Variants in WWOX observed in about 807,000 individuals in gnomAD.
WWOX encodes the protein WW domain-containing oxidoreductase.
In WWOX, 69 loss-of-function variants were observed where a neutral mutation model predicts 46.2. That is an observed-to-expected ratio of 1.49 (90% CI 1.23 to 1.82). The LOEUF (loss-of-function observed/expected upper bound fraction) is 1.82, where lower values mean the gene tolerates loss of function less well. WWOX is among the 40% of genes most tolerant of loss of function. The pLI, the probability that WWOX is intolerant of heterozygous loss-of-function variation, is 0.00. For synonymous variants in WWOX, 359 were observed against 202.6 expected, an observed-to-expected ratio of 1.77 and a Z score of -6.56; for missense variants, 919 against 542.6, an observed-to-expected ratio of 1.69 and a Z score of -6.89.
In WWOX at chr16:78,422,776, T is replaced by TATATATACACAC. The variant is rs1567563533; in HGVS notation, c.606-2087_606-2086insCACACATATATA. On this transcript the variant is annotated intron_variant, in intron 6 of 8. Transcript: ENST00000566780. ...ATATATACACATATATATACACACATATATATATACACACACACATATATA... is the reference window on the plus strand; with the variant it reads ...ATATATACACATATATATACACACATATATATACACACATATATATACACACACACATATATA... Among the ~76,000 whole-genome samples, 87 of 111,498 alleles carry TATATATACACAC rather than the reference T, an allele frequency of 7.8e-4. 4 individuals carry two copies. The South Asian group carries it at 0.019, about 25-fold the overall frequency. The allele number at this position is 111,498 out of a possible 152,430, so 73.1% of individuals were successfully genotyped here. A position where few individuals can be genotyped will look rare whatever the true frequency, so the allele number is the denominator to read the frequency against.
intron 8 of WWOX, among the ~76,000 whole-genome samples, chr16:78,515,627 A>C (rs2043219043): frequency 6.6e-6 from 1 of 152,172 alleles, no homozygotes; most frequent in African/African-American, 2.4e-5. Context: ...TGCCTAGGTG[A>C]GATGGAAAGC....
At chr16:79,101,888 C>G (rs2049204004) in intron 8 of WWOX, 1 of 151,226 alleles carries the variant, frequency 6.6e-6, no homozygotes, top group Non-Finnish European at 1.5e-5. Context: ...GAGTGGAAGG[C>G]TTTCATGCAT....
chr16:79,036,831 T>C (rs1003450893), intron 8 of WWOX, among the ~76,000 whole-genome samples: 3 of 152,156 alleles, frequency 2.0e-5, no homozygotes, highest in Non-Finnish European at 4.4e-5. Flanking sequence ...GTAGAGATGT[T>C]AGCATCAGGT....
chr16:78,211,583 C>G (rs1287317797), intron 5 of WWOX, among the ~76,000 whole-genome samples: 1 of 152,110 alleles, frequency 6.6e-6, no homozygotes, highest in East Asian at 1.9e-4. Context: ...GCTGCATTGT[C>G]AAGACTACAT....
At chr16:79,104,260 C>T (rs2049263613) in intron 8 of WWOX, among the ~76,000 whole-genome samples, 1 of 152,102 alleles carries the variant, frequency 6.6e-6, no homozygotes, top group African/African-American at 2.4e-5. Flanking sequence ...TTATTTTGGT[C>T]TGTAAGGACA....
intron 8 of WWOX, among the ~76,000 whole-genome samples, chr16:78,742,527 A>G (rs1289045822): frequency 3.3e-5 from 5 of 152,206 alleles, no homozygotes; most frequent in Admixed American, 3.3e-4. Flanking sequence ...GTGCCCTAGA[A>G]ATGTTCTTTC....
chr16:78,599,703 C>G (rs1490206287), intron 8 of WWOX, among the ~76,000 whole-genome samples: 1 of 152,094 alleles, frequency 6.6e-6, no homozygotes, highest in Non-Finnish European at 1.5e-5. Context: ...TCCACAGATG[C>G]CTTGTGTTTA....
chr16:78,143,750 A>ATGT (rs1555542880), intron 4 of WWOX, among the ~76,000 whole-genome samples: 1 of 92,242 alleles, frequency 1.1e-5, no homozygotes, highest in African/African-American at 3.8e-5. Context: ...AAGAATTGGT[A>ATGT]TGTTTTTTTT....
chr16:78,808,801 A>G (rs1487103053), intron 8 of WWOX, among the ~76,000 whole-genome samples: 2 of 152,126 alleles, frequency 1.3e-5, no homozygotes, highest in Admixed American at 1.3e-4. Flanking sequence ...GATCTTGACC[A>G]CTAGCCTAAA....
chr16:78,576,742 T>C lies in WWOX; in HGVS notation c.1056+143990T>C, dbSNP rs192688075. ...AGCTACTCAAGAGGCTAAAGGGGGA[T>C]ATTTCTTAAGCCCAGAAGATTCAGA... On this transcript the variant is annotated intron_variant, in intron 8 of 8. Transcript: ENST00000566780. Among the ~76,000 whole-genome samples the C allele has an allele frequency of 5.9e-5, 9 of 152,278 alleles. No individual in the cohort carries two copies. In the East Asian group the frequency reaches 1.7e-3, roughly 29 times the overall value.
intron 8 of WWOX, among the ~76,000 whole-genome samples, chr16:78,864,884 C>T (rs929856670): frequency 1.3e-5 from 2 of 150,086 alleles, no homozygotes; most frequent in Admixed American, 6.6e-5. Flanking sequence ...TGCTTCAGCC[C>T]CCCGAGTAGC....
rs539648352 is a variant in WWOX at position 78,545,648 on chromosome 16, G to T, written c.1056+112896G>T. On this transcript the variant is annotated intron_variant, in intron 8 of 8. Transcript: ENST00000566780. ...CCATTGAGTCTCTATTCTGAAACAG[G>T]CACCGTGTTCATTTGCTATGGCTAA... Among the ~76,000 whole-genome samples the T allele has an allele frequency of 1.2e-3, 184 of 152,288 alleles. 1 individual carries two copies. Among genetic ancestry groups the T allele is most frequent in the African/African-American group, 4.2e-3 (176 of 41,548 alleles).
intron 8 of WWOX, among the ~76,000 whole-genome samples, chr16:78,955,029 A>G (rs1045143088): frequency 6.6e-6 from 1 of 152,098 alleles, no homozygotes; most frequent in Non-Finnish European, 1.5e-5. Context: ...GCTTCAAGTG[A>G]TCCTTCTGCA....
intron 5 of WWOX, among the ~76,000 whole-genome samples, chr16:78,168,745 A>G (rs1309169233): frequency 1.3e-5 from 2 of 152,186 alleles, no homozygotes; most frequent in African/African-American, 4.8e-5. Context: ...TATATTCAAG[A>G]TATCCTTTAT....
At chr16:79,177,687 C>T (rs1163927023) in intron 8 of WWOX, among the ~76,000 whole-genome samples, 3 of 152,172 alleles carry the variant, frequency 2.0e-5, no homozygotes, top group Non-Finnish European at 2.9e-5. Flanking sequence ...TTGGCACTTA[C>T]ATTTGAGCCA....
chr16:78,634,463 T>C lies in WWOX; in HGVS notation c.1056+201711T>C, dbSNP rs950556627. On this transcript the variant is annotated intron_variant, in intron 8 of 8. Coordinates refer to ENST00000566780, the MANE Select transcript of WWOX (RefSeq NM_016373.4). The stretch of plus-strand genomic sequence containing the variant: ...TGGCTCATGCCTGTAATCCCAGCAC[T>C]TTGGGAGGGCGAGGCGGGCAGATCA... 2.0e-5 allele frequency among the ~76,000 whole-genome samples: 3 copies of C among 152,112 alleles called. 1 individual carries two copies. The highest frequency in any genetic ancestry group is 4.4e-5 in the Non-Finnish European group (3 of 68,020).
At chr16:78,521,460 G>A (rs2043346246) in intron 8 of WWOX, among the ~76,000 whole-genome samples, 1 of 152,166 alleles carries the variant, frequency 6.6e-6, no homozygotes, top group African/African-American at 2.4e-5. Context: ...TCAAAGACAA[G>A]GCTCAAGTTC....
rs78513742 is a variant in WWOX at position 78,510,556 on chromosome 16, C to A, written c.1056+77804C>A. Among the ~76,000 whole-genome samples the A allele has an allele frequency of 6.8e-4, 104 of 152,294 alleles. No homozygotes were observed. The East Asian group carries it at 8.9e-3, about 13-fold the overall frequency. ...ACTGAAAAGTATCAAGCAATACTTA[C>A]ATGTAACTGCACTTTCTCATCAACT... On this transcript the variant is annotated intron_variant, in intron 8 of 8. Transcript: ENST00000566780.
At chr16:78,411,845 G>T (rs930607356) in intron 6 of WWOX, among the ~76,000 whole-genome samples, 3 of 152,208 alleles carry the variant, frequency 2.0e-5, no homozygotes, top group African/African-American at 7.2e-5. Context: ...GCCTGGGATG[G>T]GGATTCTTGT....
Sources: gnomAD v4.1 joint callset for allele counts (sites outside exome capture counted in the v4.1 genomes callset) on GRCh38, gnomAD v4.1.1 for gene constraint, MANE v1.5 for transcripts, NCBI Gene and HGNC (gene_info 2026-07-23, HGNC 2026-07-21) for gene names.